GAN: variants seen among roughly 807,000 people sequenced by gnomAD.
GAN encodes the protein epididymis secretory sperm binding protein.
In GAN, 48 loss-of-function variants were observed where a neutral mutation model predicts 71.3. The observed-to-expected ratio is 0.67, with a 90% confidence interval of 0.53 to 0.86. The LOEUF is 0.86. Ranked by LOEUF, GAN falls within the 40% of genes least tolerant of loss-of-function variation. The pLI is 0.00. For missense variants in GAN, 928 were observed against 770.1 expected (o/e 1.21, Z -2.43); for synonymous variants, 386 against 276.8 (o/e 1.39, Z -3.92).
chr16:81,375,326 T>G (rs1389429721), intron 9 of GAN, among the ~76,000 whole-genome samples: 3 of 146,684 alleles, frequency 2.0e-5, no homozygotes, highest in African/African-American at 5.0e-5. Flanking sequence ...CCTTTTTTTT[T>G]TTTTTAATTT....
At position 81,345,205 on chromosome 16, in the gene GAN, G is replaced by T. The variant is rs370046218; in HGVS notation, c.168-6378G>T. ...GAAGACAGTGTGGCGATTCCTCAAGGATCTAGAACTAGAAATACCATTTGA... is the reference window on the plus strand; with the variant it reads ...GAAGACAGTGTGGCGATTCCTCAAGTATCTAGAACTAGAAATACCATTTGA... On this transcript the variant is annotated intron_variant, in intron 1 of 10. Transcript: ENST00000648994. 2.0e-5 allele frequency among the ~76,000 whole-genome samples: 3 copies of T among 152,146 alleles called. No individual in the cohort carries two copies. The East Asian group carries it at 5.8e-4, about 29-fold the overall frequency.
chr16:81,335,097 T>G (rs1419763721), intron 1 of GAN, among the ~76,000 whole-genome samples: 1 of 129,562 alleles, frequency 7.7e-6, no homozygotes, highest in East Asian at 2.4e-4. Context: ...TTTGGAGGTG[T>G]TATTGGAGCA....
chr16:81,344,045 C>G (rs1227551248), intron 1 of GAN, among the ~76,000 whole-genome samples: 1 of 152,126 alleles, frequency 6.6e-6, no homozygotes, highest in Non-Finnish European at 1.5e-5. Context: ...CATAGGAATA[C>G]AACTTACAAG....
rs928218563 is a variant in GAN, at chr16:81,356,954, C to T, written c.803C>T (p.Pro268Leu). 6.2e-7 allele frequency: 1 copy of T among 1,613,404 alleles called. No individual in the cohort carries two copies. The highest frequency in any genetic ancestry group is 8.5e-7 in the Non-Finnish European group (1 of 1,179,670). The change falls in exon 4 of 11, where the codon CCC becomes CTC. Residue 268 changes from proline (P) to leucine (L), a missense_variant. Physicochemically the swap from Pro to Leu is moderately conservative, Grantham distance 98 (BLOSUM62 -3). Transcript: ENST00000648994. ...QGEAMLANFK[P>L]RGYSECIVTV... ...GAGGCGATGCTGGCCAACTTCAAAC[C>T]CCGGGGCTACTCTGAGTGCATCGTG... is the stretch of plus-strand genomic sequence containing the variant.
intron 1 of GAN, 137 bp downstream of exon 1, chr16:81,315,417 T>C: frequency 1.9e-6 from 1 of 526,520 alleles, no homozygotes; most frequent in Non-Finnish European, 2.8e-6. Context: ...TGGCGCGGCG[T>C]CCCTCCCGGC....
chr16:81,370,017 C>A (rs992393144), intron 9 of GAN, among the ~76,000 whole-genome samples: 1 of 152,208 alleles, frequency 6.6e-6, no homozygotes, highest in Non-Finnish European at 1.5e-5. Flanking sequence ...AGTATGGCAG[C>A]CGTTGACATA....
chr16:81,377,056 G>A (rs888323813), intron 9 of GAN, among the ~76,000 whole-genome samples, 163 bp from the exon 10 acceptor site: 7 of 152,144 alleles, frequency 4.6e-5, no homozygotes, highest in Non-Finnish European at 7.4e-5. Context: ...TATCTGTAGC[G>A]ACTGGCAGCA....
At chr16:81,360,377 G>A (rs1910635138) in intron 5 of GAN, among the ~76,000 whole-genome samples, 1 of 152,190 alleles carries the variant, frequency 6.6e-6, no homozygotes, top group Admixed American at 6.5e-5. Flanking sequence ...GCACATTGAA[G>A]TCATTCCACT....
chr16:81,328,736 TACTTC>T (rs1484156761), intron 1 of GAN, among the ~76,000 whole-genome samples: 3 of 152,102 alleles, frequency 2.0e-5, no homozygotes, highest in African/African-American at 7.2e-5. Context: ...CAAAAATCGT[TACTTC>T]ACTTATCTGT....
At chr16:81,336,280 T>C (rs191904025) in intron 1 of GAN, among the ~76,000 whole-genome samples, 38 of 152,252 alleles carry the variant, frequency 2.5e-4, no homozygotes, top group African/African-American at 8.7e-4. Context: ...TCTTCTTCCA[T>C]GTAGATGGAA....
intron 5 of GAN, among the ~76,000 whole-genome samples, chr16:81,359,404 T>TG (rs993755660): frequency 1.3e-4 from 16 of 124,112 alleles, no homozygotes; most frequent in South Asian, 5.0e-4. Flanking sequence ...CAGGCTGCAT[T>TG]GTTTTTTTTT....
chr16:81,323,266 G>C (rs958561123), intron 1 of GAN, among the ~76,000 whole-genome samples: 8 of 152,028 alleles, frequency 5.3e-5, no homozygotes, highest in African/African-American at 1.7e-4. Flanking sequence ...CTACTGTCTT[G>C]TGCGACCAAA....
At chr16:81,353,832 G>C (rs1403288438) in intron 2 of GAN, among the ~76,000 whole-genome samples, 2 of 152,102 alleles carry the variant, frequency 1.3e-5, no homozygotes, top group Non-Finnish European at 2.9e-5. Flanking sequence ...ATTCCAAAAA[G>C]TAGTTTTGAG....
intron 1 of GAN, among the ~76,000 whole-genome samples, chr16:81,338,839 C>G (rs1909850873): frequency 6.6e-6 from 1 of 152,142 alleles, no homozygotes; most frequent in African/African-American, 2.4e-5. Flanking sequence ...GGAAGGGAGG[C>G]CCTTTGAGAG....
chr16:81,342,147 C>G lies in GAN; in HGVS notation c.168-9436C>G, dbSNP rs533170381. 2.0e-5 allele frequency among the ~76,000 whole-genome samples: 3 copies of G among 152,278 alleles called. No homozygotes were observed. The East Asian group carries it at 5.8e-4, about 29-fold the overall frequency. On this transcript the variant is annotated intron_variant, in intron 1 of 10. Transcript: ENST00000648994. ...GATTCATAAAGCAAGTTCTTAGAGA[C>G]CTACAAAGAGACTTAGACTCCCACA... is the stretch of plus-strand genomic sequence containing the variant.
chr16:81,336,270 T>G (rs1217292097), intron 1 of GAN, among the ~76,000 whole-genome samples: 1 of 152,174 alleles, frequency 6.6e-6, no homozygotes, highest in African/African-American at 2.4e-5. Flanking sequence ...GTGGAAATGC[T>G]CTTCTTCCAT....
At position 81,390,310 on chromosome 16, in the gene GAN, T is replaced by G. The variant is rs1160291905; in HGVS notation, c.*12714T>G. ...ATCCTGTGGTCCAAAGGTACTAGTT[T>G]GTTTTGTGGAATAATTTTCTGTTCA... On this transcript the variant is annotated 3_prime_UTR_variant, in exon 11 of 11. Coordinates refer to ENST00000648994, the MANE Select transcript of GAN (RefSeq NM_022041.4). The G allele has an allele frequency of 6.6e-6, 1 of 152,232 alleles. No homozygotes were observed. The highest frequency in any genetic ancestry group is 1.9e-4 in the East Asian group (1 of 5,204). The allele number at this position is 152,232 out of a possible 1,614,324, so 9.4% of individuals were successfully genotyped here.
intron 5 of GAN, among the ~76,000 whole-genome samples, chr16:81,360,068 T>TGGATGGATGGATAGATGGAC (rs58464258): frequency 9.6e-5 from 14 of 145,816 alleles, no homozygotes; most frequent in Admixed American, 6.2e-4. Context: ...GATGGATGGA[T>TGGATGGATGGATAGATGGAC]AGATGGATGG....
chr16:81,353,287 G>A (rs1341858370), intron 2 of GAN, among the ~76,000 whole-genome samples: 6 of 65,352 alleles, frequency 9.2e-5, no homozygotes, highest in East Asian at 4.7e-4. Flanking sequence ...GCGAGACTCC[G>A]TCTCAAAAAA....
Sources: allele counts gnomAD v4.1 joint callset (sites outside exome capture counted in the v4.1 genomes callset), GRCh38; gene constraint gnomAD v4.1.1; transcripts MANE v1.5; gene names NCBI Gene and HGNC (gene_info 2026-07-23, HGNC 2026-07-21).